The following SPINK5 variants were observed in gnomAD, a reference collection of about 807,000 sequenced individuals.
SPINK5 encodes the protein serine protease inhibitor Kazal-type 5.
Under a neutral mutation model 151.8 loss-of-function variants are expected in SPINK5, and 125 were observed. The observed-to-expected ratio is 0.82, with a 90% CI of 0.71 to 0.96. The LOEUF is 0.96. Among genes scored for constraint, SPINK5 ranks in the 40% least tolerant of loss-of-function variants. The pLI, the probability that SPINK5 is intolerant of heterozygous loss-of-function variation, is 0.00. For missense variants in SPINK5, 1,194 were observed against 1,291.9 expected (o/e 0.92, Z 1.16); for synonymous variants, 374 against 395.3 (o/e 0.95, Z 0.64).
intron 32 of SPINK5, among the ~76,000 whole-genome samples, chr5:148,134,327 T>C (rs1483256502): frequency 1.3e-5 from 2 of 152,308 alleles, no homozygotes; most frequent in Non-Finnish European, 2.9e-5. Flanking sequence ...ACCAATTTCA[T>C]TTAAACTCCT....
intron 19 of SPINK5, 70 bp downstream of exon 19, chr5:148,111,965 G>T: frequency 6.2e-7 from 1 of 1,610,996 alleles, no homozygotes; most frequent in South Asian, 1.1e-5. Flanking sequence ...CAAGAGGGGT[G>T]ACATTGGAAG....
At position 148,092,449 on chromosome 5, in the gene SPINK5, T is replaced by A. The variant is rs541790496; in HGVS notation, c.666+1221T>A. ...CTGTGATAGTTAACATTTTATTACT[T>A]CATAAACACAGAGAGTTATTTTCCT... On this transcript the variant is annotated intron_variant, in intron 8 of 32. Coordinates refer to ENST00000256084, the MANE Select transcript of SPINK5 (RefSeq NM_006846.4). 1.4e-3 allele frequency among the ~76,000 whole-genome samples: 209 copies of A among 152,066 alleles called. 4 individuals are homozygous for A. Among genetic ancestry groups the A allele is most frequent in the Admixed American group, 7.2e-4 (11 of 15,254 alleles).
intron 19 of SPINK5, 77 bp downstream of exon 19, chr5:148,111,972 G>A (rs1753946003): frequency 1.2e-6 from 2 of 1,607,710 alleles, no homozygotes; most frequent in East Asian, 2.2e-5. Context: ...GGTGACATTG[G>A]AAGTTTTCTC....
At chr5:148,105,709 C>A (rs1014887669) in intron 16 of SPINK5, among the ~76,000 whole-genome samples, 1 of 151,966 alleles carries the variant, frequency 6.6e-6, no homozygotes, top group East Asian at 1.9e-4. Flanking sequence ...CTCTGCCGCC[C>A]GGGTTCAAGT....
rs774381522 is a variant in SPINK5, at chr5:148,123,842, C to T, written c.2548C>T (p.Arg850Cys). Residue 850 changes from arginine to cysteine, a missense_variant, in exon 27 of 33, where the codon CGT becomes TGT. Arg to Cys is a radical substitution (Grantham distance 180). Coordinates refer to ENST00000256084, the MANE Select transcript of SPINK5 (RefSeq NM_006846.4). ...ERSNDKEDLC[R>C]EFRSMQRNGK... ...CTGCTACTGTTGGTAGGATCTGTGT[C>T]GTGAATTTCGAAGCATGCAGAGAAA... 4.0e-5 allele frequency: 65 copies of T among 1,613,590 alleles called. No individual in the cohort carries two copies. In the East Asian group the frequency reaches 5.8e-4, roughly 14 times the overall value.
intron 5 of SPINK5, among the ~76,000 whole-genome samples, chr5:148,086,894 AAT>A (rs1200063403): frequency 1.3e-5 from 2 of 149,452 alleles, no homozygotes; most frequent in Non-Finnish European, 3.0e-5. Context: ...ATTTTAATAA[AAT>A]ATAGACTTAT....
At chr5:148,124,681 A>T in intron 27 of SPINK5, 84 bp from the exon 28 acceptor site, 1 of 1,067,784 alleles carries the variant, frequency 9.4e-7, no homozygotes, top group Non-Finnish European at 1.3e-6. Context: ...GCTAATGTTT[A>T]GAATCGCAGA....
intron 4 of SPINK5, among the ~76,000 whole-genome samples, chr5:148,085,462 A>G (rs947859095): frequency 5.9e-5 from 9 of 151,974 alleles, no homozygotes; most frequent in African/African-American, 1.9e-4. Context: ...TAGCTAGGTT[A>G]TGTCACAATA....
intron 5 of SPINK5, 39 bp downstream of exon 5, chr5:148,086,571 G>A (rs780564429): frequency 6.2e-7 from 1 of 1,605,390 alleles, no homozygotes. Flanking sequence ...CCTAAAACGT[G>A]TTCTCTCTAT....
chr5:148,082,445 T>C (rs1431943590), intron 4 of SPINK5, among the ~76,000 whole-genome samples: 1 of 151,060 alleles, frequency 6.6e-6, no homozygotes, highest in Non-Finnish European at 1.5e-5. Context: ...GATTATCTAA[T>C]TTTCAAATAT....
At chr5:148,065,486 A>G (rs917546574) in intron 2 of SPINK5, 114 bp downstream of exon 2, 7 of 1,166,746 alleles carry the variant, frequency 6.0e-6, no homozygotes, top group African/African-American at 3.1e-5. Flanking sequence ...GTAGGTACTA[A>G]TAGCTTTTGT....
At chr5:148,076,300 T>G (rs1752879590) in intron 4 of SPINK5, among the ~76,000 whole-genome samples, 1 of 151,612 alleles carries the variant, frequency 6.6e-6, no homozygotes. Flanking sequence ...AAAATAACCA[T>G]GATAGAAACT....
At chr5:148,133,049 A>G (rs904724916) in intron 31 of SPINK5, among the ~76,000 whole-genome samples, 22 of 152,158 alleles carry the variant, frequency 1.4e-4, no homozygotes, top group Non-Finnish European at 3.1e-4. Flanking sequence ...GACCCATAAC[A>G]AGTGATCTTT....
intron 14 of SPINK5, among the ~76,000 whole-genome samples, 167 bp downstream of exon 14, chr5:148,101,603 CTTGGTTG>C (rs1163632985): frequency 6.6e-6 from 1 of 152,074 alleles, no homozygotes; most frequent in Non-Finnish European, 1.5e-5. Flanking sequence ...GTGACTATTT[CTTGGTTG>C]TTGGGTTCAT....
intron 10 of SPINK5, among the ~76,000 whole-genome samples, chr5:148,097,631 TAAAG>T (rs1166322493): frequency 6.6e-6 from 1 of 152,014 alleles, no homozygotes; most frequent in Non-Finnish European, 1.5e-5. Context: ...ATTTGACTGA[TAAAG>T]AACATAAATA....
chr5:148,065,571 A>T, intron 2 of SPINK5, 199 bp downstream of exon 2: 1 of 437,926 alleles, frequency 2.3e-6, no homozygotes, highest in Non-Finnish European at 4.0e-6. Flanking sequence ...ACACACACAC[A>T]CTCAACATAT....
At chr5:148,073,527 A>T (rs1752795457) in intron 4 of SPINK5, among the ~76,000 whole-genome samples, 1 of 151,876 alleles carries the variant, frequency 6.6e-6, no homozygotes, top group African/African-American at 2.4e-5. Context: ...GTCACATTCA[A>T]AGAGTGGCTC....
intron 2 of SPINK5, among the ~76,000 whole-genome samples, chr5:148,065,923 A>G (rs1362796786): frequency 3.9e-5 from 6 of 152,184 alleles, no homozygotes; most frequent in Non-Finnish European, 8.8e-5. Flanking sequence ...GTGTAGGAAA[A>G]CAGACAAATT....
In SPINK5 at chr5:148,101,919, C is replaced by T; in HGVS notation, c.1430+11C>T. ...GTGTGAGGCCTTCTTGTGAGTAGAG[C>T]AGTAGCCCCATAGCGTCTGAGGATT... On this transcript the variant is annotated intron_variant, in intron 15 of 32. Coordinates refer to ENST00000256084, the MANE Select transcript of SPINK5 (RefSeq NM_006846.4). The T allele has an allele frequency of 1.2e-6, 2 of 1,613,358 alleles. No homozygotes were observed. The highest frequency in any genetic ancestry group is 1.7e-6 in the Non-Finnish European group (2 of 1,179,476).
Sources: allele counts gnomAD v4.1 joint callset (sites outside exome capture counted in the v4.1 genomes callset), GRCh38; gene constraint gnomAD v4.1.1; transcripts MANE v1.5; gene names NCBI Gene and HGNC (gene_info 2026-07-23, HGNC 2026-07-21).